Variants in SVOPL observed in about 807,000 individuals in gnomAD.
SVOPL encodes the protein putative transporter SVOPL.
Under a neutral mutation model 61.0 loss-of-function variants are expected in SVOPL, and 60 were observed. The observed-to-expected ratio is 0.98, with a 90% CI of 0.80 to 1.22. SVOPL has a LOEUF of 1.22. Ranked by LOEUF, SVOPL falls within the 50% of genes most tolerant of loss-of-function variation. SVOPL has a pLI of 0.00. For synonymous variants in SVOPL, 279 were observed against 250.0 expected, an observed-to-expected ratio of 1.12 and a Z score of -1.09; for missense variants, 662 against 643.9, an observed-to-expected ratio of 1.03 and a Z score of -0.30.
chr7:138,657,134 G>GTTTATTTA (rs147009662), intron 6 of SVOPL, among the ~76,000 whole-genome samples: 4,926 of 147,086 alleles, frequency 0.033, 130 homozygotes, highest in Non-Finnish European at 0.043. Context: ...TTTCTTATTT[G>GTTTATTTA]TTTATTTATT....
chr7:138,629,153 G>GTGTGTGTGTGTGTGTA (rs10624737), intron 10 of SVOPL, among the ~76,000 whole-genome samples: 103 of 147,366 alleles, frequency 7.0e-4, no homozygotes, highest in East Asian at 1.4e-3. Flanking sequence ...GTGTGTGTGT[G>GTGTGTGTGTGTGTGTA]TATATATGTA....
At chr7:138,671,623 C>T (rs749614513) in intron 4 of SVOPL, among the ~76,000 whole-genome samples, 3 of 152,152 alleles carry the variant, frequency 2.0e-5, no homozygotes, top group Admixed American at 6.5e-5. Flanking sequence ...GCTGGGATTA[C>T]AGGCATGAGC....
At chr7:138,637,429 T>TATAG (rs1800522236) in intron 9 of SVOPL, among the ~76,000 whole-genome samples, 3 of 96,018 alleles carry the variant, frequency 3.1e-5, no homozygotes, top group South Asian at 7.6e-4. Context: ...CTCCATCTCA[T>TATAG]ATATATATAT....
chr7:138,610,661 G>C (rs935422315), intron 14 of SVOPL, among the ~76,000 whole-genome samples: 1 of 152,198 alleles, frequency 6.6e-6, no homozygotes, highest in Non-Finnish European at 1.5e-5. Flanking sequence ...CAGCTCCTAT[G>C]AGCCCTCTTC....
chr7:138,620,560 C>G (rs1628052), intron 14 of SVOPL, among the ~76,000 whole-genome samples: 92,177 of 151,494 alleles, frequency 0.61, 29,295 homozygotes, highest in East Asian at 0.99. Context: ...CTGAAACAAG[C>G]CTCCATCCAC....
At chr7:138,644,619 A>G in intron 9 of SVOPL, 98 bp downstream of exon 9, 1 of 1,497,286 alleles carries the variant, frequency 6.7e-7, no homozygotes, top group East Asian at 2.4e-5. Flanking sequence ...AGACAGGACT[A>G]GAGAACAAGG....
intron 5 of SVOPL, 112 bp downstream of exon 5, chr7:138,662,962 T>C (rs1802063556): frequency 4.6e-6 from 7 of 1,538,116 alleles, no homozygotes; most frequent in Non-Finnish European, 6.1e-6. Context: ...GTCTGCATTT[T>C]CTATCTTGGG....
intron 13 of SVOPL, 91 bp from the exon 14 acceptor site, chr7:138,621,226 G>T: frequency 1.0e-6 from 1 of 988,372 alleles, no homozygotes; most frequent in Non-Finnish European, 1.5e-6. Context: ...TCAGGTTTTG[G>T]AATGCATAGA....
chr7:138,676,148 C>T lies in SVOPL; in HGVS notation c.174+2286G>A, dbSNP rs148922617. ...ACAGTGCCTGGTCTGGAGTTCTTAA[C>T]GTATTTTCACCTTACCTACTAAAGG... On this transcript the variant is annotated intron_variant, in intron 3 of 15. Coordinates refer to ENST00000674285, the MANE Select transcript of SVOPL (RefSeq NM_001139456.2). 1.3e-3 allele frequency among the ~76,000 whole-genome samples: 205 copies of T among 152,070 alleles called. 2 individuals are homozygous for T. In the Middle Eastern group the frequency reaches 0.02, roughly 15 times the overall value.
At chr7:138,697,732 A>G (rs1803100117) in intron 1 of SVOPL, among the ~76,000 whole-genome samples, 1 of 150,310 alleles carries the variant, frequency 6.7e-6, no homozygotes, top group African/African-American at 2.4e-5. Flanking sequence ...GGAAGAGGAG[A>G]AGGAAGAAAA....
chr7:138,682,329 T>C (rs958360402), intron 1 of SVOPL, among the ~76,000 whole-genome samples: 4 of 152,150 alleles, frequency 2.6e-5, no homozygotes, highest in East Asian at 3.9e-4. Flanking sequence ...GCAGATTGCA[T>C]TGGGTCCTAA....
chr7:138,648,531 TCCA>T (rs1172379902), intron 8 of SVOPL, among the ~76,000 whole-genome samples: 9 of 63,078 alleles, frequency 1.4e-4, no homozygotes, highest in African/African-American at 6.5e-4. Flanking sequence ...CTACTAAAAA[TCCA>T]AAAAAAAAAA....
At chr7:138,596,774 C>T (rs905934161) in intron 14 of SVOPL, 14 of 1,156,076 alleles carry the variant, frequency 1.2e-5, no homozygotes, top group Non-Finnish European at 1.5e-5. Flanking sequence ...TCTTGGCATC[C>T]ACCTGTCAGG....
chr7:138,669,383 G>A (rs755126265), intron 4 of SVOPL, among the ~76,000 whole-genome samples: 3 of 152,184 alleles, frequency 2.0e-5, no homozygotes, highest in South Asian at 4.1e-4. Flanking sequence ...ACTCCAGCCC[G>A]GGCAAAAGAG....
At chr7:138,683,613 C>A (rs992313044) in intron 1 of SVOPL, among the ~76,000 whole-genome samples, 3 of 152,084 alleles carry the variant, frequency 2.0e-5, no homozygotes, top group African/African-American at 7.2e-5. Flanking sequence ...AGGTGATCCA[C>A]CCGCCTTGGC....
intron 4 of SVOPL, chr7:138,663,554 T>C: frequency 1.0e-6 from 1 of 995,234 alleles, no homozygotes; most frequent in East Asian, 1.1e-4. Context: ...TAGACATAAC[T>C]TTAAACACCA....
At chr7:138,647,088 G>A (rs1801154057) in intron 8 of SVOPL, among the ~76,000 whole-genome samples, 1 of 152,154 alleles carries the variant, frequency 6.6e-6, no homozygotes, top group African/African-American at 2.4e-5. Flanking sequence ...TATTTAAGAG[G>A]ATGATGGCCG....
rs576385325 is a variant in SVOPL at position 138,644,825 on chromosome 7, C to A, written c.681G>T (p.Arg227=). Residue 227 remains arginine (R), a synonymous_variant, in exon 9 of 16, where the codon CGG becomes CGT. Transcript: ENST00000674285. ...VAFKFIPESA[R]FNVSTGNTRA... ...GAGTGTTCCCAGTGGAGACATTGAACCGGGCAGATTCAGGAATAAACTGGG... is the reference window on the plus strand; with the variant it reads ...GAGTGTTCCCAGTGGAGACATTGAAACGGGCAGATTCAGGAATAAACTGGG... The A allele has an allele frequency of 5.6e-5, 91 of 1,614,176 alleles. No individual in the cohort carries two copies. The highest frequency in any genetic ancestry group is 5.3e-4 in the African/African-American group (40 of 75,040).
chr7:138,633,987 G>A (rs1368090678), intron 9 of SVOPL, among the ~76,000 whole-genome samples: 2 of 152,182 alleles, frequency 1.3e-5, no homozygotes, highest in African/African-American at 4.8e-5. Context: ...TTCAGGGCAT[G>A]GGTAGCACTG....
Sources: gnomAD v4.1 joint callset for allele counts (sites outside exome capture counted in the v4.1 genomes callset) on GRCh38, gnomAD v4.1.1 for gene constraint, MANE v1.5 for transcripts, NCBI Gene and HGNC (gene_info 2026-07-23, HGNC 2026-07-21) for gene names.